Variants in DPH6 observed in about 807,000 individuals in gnomAD.
The protein encoded by DPH6 is diphthamine biosynthesis 6, also known as diphthine--ammonia ligase.
Under a neutral mutation model 38.2 loss-of-function variants are expected in DPH6, and 33 were observed. That is an observed-to-expected ratio of 0.86 (90% confidence interval 0.65 to 1.15). DPH6 has a LOEUF of 1.15. DPH6 is among the 50% of genes most tolerant of loss of function. The probability of loss-of-function intolerance (pLI) is 0.00; values close to 1 mark genes in which losing one functional copy is unlikely to be tolerated. For missense variants in DPH6, 325 were observed against 320.0 expected, an observed-to-expected ratio of 1.02 and a Z score of -0.12; for synonymous variants, 108 against 103.0, an observed-to-expected ratio of 1.05 and a Z score of -0.30.
At chr15:35,498,381 AAAATT>A (rs1410883839) in intron 3 of DPH6, among the ~76,000 whole-genome samples, 1 of 152,178 alleles carries the variant, frequency 6.6e-6, no homozygotes, top group Non-Finnish European at 1.5e-5. Flanking sequence ...GTCAGTTTTA[AAAATT>A]AAATCACTTC....
At chr15:35,182,764 G>A in the DPH6 span, among the ~76,000 whole-genome samples, 1 of 152,052 alleles carries the variant, frequency 6.6e-6, no homozygotes, top group East Asian at 1.9e-4. Flanking sequence ...AGGTGATCAG[G>A]TATAGGTTAC....
intron 3 of DPH6, among the ~76,000 whole-genome samples, chr15:35,483,674 A>G (rs2054358908): frequency 6.6e-6 from 1 of 152,206 alleles, no homozygotes; most frequent in Admixed American, 6.5e-5. Flanking sequence ...CATACAACCC[A>G]GCAACTTCAT....
Position 35,342,759 on chromosome 15 carries a change from G to T in DPH6, n.208-11682C>A, listed in dbSNP as rs7173834. Among the ~76,000 whole-genome samples, 484 of 152,274 alleles carry T rather than the reference G, an allele frequency of 3.2e-3. 2 individuals are homozygous for T. The highest frequency in any genetic ancestry group is 0.011 in the African/African-American group (466 of 41,562). ...CTGTAAAACTAGCCAATAATTTAGAGAATTTAGAAAACTAAGGTAATTAAT... is the reference window on the plus strand; with the variant it reads ...CTGTAAAACTAGCCAATAATTTAGATAATTTAGAAAACTAAGGTAATTAAT... On this transcript the variant is annotated intron_variant and non_coding_transcript_variant, in intron 3 of 3. Coordinates refer to the DPH6 transcript ENST00000558973.
At chr15:35,221,096 G>C (rs2051439352) in intron 3 of DPH6, among the ~76,000 whole-genome samples, 1 of 152,236 alleles carries the variant, frequency 6.6e-6, no homozygotes, top group Non-Finnish European at 1.5e-5. Context: ...AGGGGGAAAA[G>C]AGTAAACAAC....
chr15:35,508,330 T>A (rs1279039503), intron 3 of DPH6, among the ~76,000 whole-genome samples: 1 of 152,176 alleles, frequency 6.6e-6, no homozygotes, highest in Non-Finnish European at 1.5e-5. Flanking sequence ...TGCAGAGGCA[T>A]AATAAACATA....
intron 3 of DPH6, among the ~76,000 whole-genome samples, chr15:35,512,027 G>A (rs1446410762): frequency 1.3e-5 from 2 of 152,064 alleles, no homozygotes; most frequent in Non-Finnish European, 2.9e-5. Context: ...TCATAAAAAA[G>A]GGGAAGCATA....
At chr15:35,535,123 G>A (rs1303568774) in intron 3 of DPH6, among the ~76,000 whole-genome samples, 7 of 152,122 alleles carry the variant, frequency 4.6e-5, no homozygotes, top group Non-Finnish European at 8.8e-5. Context: ...ATTTAGGGAA[G>A]CGATGCAGGA....
intron 6 of DPH6, among the ~76,000 whole-genome samples, chr15:35,409,298 T>A (rs2053334876): frequency 6.6e-6 from 1 of 151,712 alleles, no homozygotes; most frequent in Non-Finnish European, 1.5e-5. Flanking sequence ...GGATTTTAAA[T>A]TTGAGGAGAA....
chr15:35,214,848 T>A (rs1219895807), downstream of DPH6, among the ~76,000 whole-genome samples: 3 of 152,182 alleles, frequency 2.0e-5, no homozygotes, highest in Non-Finnish European at 4.4e-5. Context: ...CCTCAGGTGA[T>A]CCAGCTGCCT....
chr15:35,179,204 C>CAAAAAAAAAAAAAAA, the DPH6 span, among the ~76,000 whole-genome samples: 1 of 50,590 alleles, frequency 2.0e-5, no homozygotes, highest in Non-Finnish European at 3.9e-5. Flanking sequence ...ACAACTCTGT[C>CAAAAAAAAAAAAAAA]AAAAAAAAAA....
Position 35,545,132 on chromosome 15 carries a change from C to T in DPH6, c.23+987G>A, listed in dbSNP as rs561070578. Among the ~76,000 whole-genome samples the T allele has an allele frequency of 2.6e-4, 40 of 152,274 alleles. 2 individuals carry two copies. In the East Asian group the frequency reaches 7.1e-3, roughly 27 times the overall value. On this transcript the variant is annotated intron_variant, in intron 1 of 8. Transcript: ENST00000256538. ...AGTATCAATTACCTAAGGGACTTAA[C>T]GAAAACGTTTATGAAATCTTCAATT...
the DPH6 span, among the ~76,000 whole-genome samples, chr15:35,191,343 G>A: frequency 4.6e-5 from 7 of 151,962 alleles, no homozygotes; most frequent in African/African-American, 7.3e-5. Flanking sequence ...TAGCATCTTC[G>A]GAAAGAAGAA....
chr15:35,493,068 C>T (rs1169602863), intron 3 of DPH6, among the ~76,000 whole-genome samples: 1 of 152,138 alleles, frequency 6.6e-6, no homozygotes, highest in Non-Finnish European at 1.5e-5. Context: ...TACCTTTAAA[C>T]TATTTGTCCA....
At chr15:35,275,291 G>A (rs1291641983) in intron 3 of DPH6, among the ~76,000 whole-genome samples, 1 of 152,056 alleles carries the variant, frequency 6.6e-6, no homozygotes, top group East Asian at 1.9e-4. Flanking sequence ...GCAAAGACTT[G>A]GAACCAACCC....
At chr15:35,397,514 G>A (rs2053150528) in intron 6 of DPH6, among the ~76,000 whole-genome samples, 1 of 152,066 alleles carries the variant, frequency 6.6e-6, no homozygotes, top group South Asian at 2.1e-4. Flanking sequence ...GAGAACACAG[G>A]AGAGGAGGTG....
chr15:35,472,564 A>G (rs1279364284), intron 3 of DPH6, among the ~76,000 whole-genome samples: 1 of 152,178 alleles, frequency 6.6e-6, no homozygotes, highest in Non-Finnish European at 1.5e-5. Flanking sequence ...CTGGACACCA[A>G]ACAGTACCTG....
At chr15:35,147,574 G>A in the DPH6 span, among the ~76,000 whole-genome samples, 2 of 152,088 alleles carry the variant, frequency 1.3e-5, no homozygotes, top group Non-Finnish European at 2.9e-5. Context: ...AATTTGGAAA[G>A]GCTTCATATA....
chr15:35,149,328 C>G, the DPH6 span, among the ~76,000 whole-genome samples: 1 of 152,130 alleles, frequency 6.6e-6, no homozygotes. Flanking sequence ...ACCTCTGCCT[C>G]CCAGGTTCAA....
At chr15:35,182,434 GTGA>G in the DPH6 span, among the ~76,000 whole-genome samples, 5 of 151,708 alleles carry the variant, frequency 3.3e-5, no homozygotes, top group South Asian at 1.0e-3. Context: ...ATTGACAAGG[GTGA>G]TGATGATAAT....
Sources: gnomAD v4.1 joint callset for allele counts (sites outside exome capture counted in the v4.1 genomes callset) on GRCh38, gnomAD v4.1.1 for gene constraint, MANE v1.5 for transcripts, NCBI Gene and HGNC (gene_info 2026-07-23, HGNC 2026-07-21) for gene names.